WWTR1: variants seen among roughly 807,000 people sequenced by gnomAD.
WWTR1 encodes WW domain containing transcription regulator 1.
Under a neutral mutation model 40.1 loss-of-function variants are expected in WWTR1, and 13 were observed. That is an observed-to-expected ratio of 0.32 (90% CI 0.21 to 0.52). WWTR1 has a LOEUF of 0.52. Ranked by LOEUF, WWTR1 falls within the 20% of genes least tolerant of loss-of-function variation. The pLI is 0.97. For synonymous variants in WWTR1, 230 were observed against 210.1 expected (o/e 1.09, Z -0.82); for missense variants, 436 against 523.1 (o/e 0.83, Z 1.63).
intron 3 of WWTR1, among the ~76,000 whole-genome samples, chr3:149,545,106 C>G (rs546771736): frequency 2.2e-4 from 34 of 152,180 alleles, no homozygotes; most frequent in African/African-American, 7.9e-4. Flanking sequence ...ATGATTGATG[C>G]CAAAAAACCT....
At chr3:149,543,580 CA>C (rs755442408) in intron 3 of WWTR1, among the ~76,000 whole-genome samples, 26 of 31,228 alleles carry the variant, frequency 8.3e-4, no homozygotes, top group African/African-American at 2.0e-3. Flanking sequence ...GACTCTGTCT[CA>C]AAAAAAAAAA....
upstream of WWTR1, among the ~76,000 whole-genome samples, chr3:149,707,578 C>T (rs1715363554): frequency 6.6e-6 from 1 of 152,034 alleles, no homozygotes. Context: ...CTAGGTTTAA[C>T]AAAATTAAGC....
At chr3:149,571,881 G>A (rs1737648807) in intron 3 of WWTR1, among the ~76,000 whole-genome samples, 1 of 151,768 alleles carries the variant, frequency 6.6e-6, no homozygotes, top group South Asian at 2.1e-4. Context: ...TTTAGCCCTG[G>A]GGGAGAAGGA....
chr3:149,574,652 C>A (rs561971131), intron 2 of WWTR1, among the ~76,000 whole-genome samples: 2 of 152,234 alleles, frequency 1.3e-5, no homozygotes, highest in African/African-American at 4.8e-5. Context: ...CAGTCTGTCT[C>A]CTCATTTTTA....
chr3:149,571,104 G>A (rs935154873), intron 3 of WWTR1, among the ~76,000 whole-genome samples: 1 of 151,786 alleles, frequency 6.6e-6, no homozygotes, highest in African/African-American at 2.4e-5. Flanking sequence ...ACCTTAGTAT[G>A]ATTAAACATA....
At chr3:149,530,525 A>G (rs1735524468) in intron 4 of WWTR1, among the ~76,000 whole-genome samples, 1 of 151,904 alleles carries the variant, frequency 6.6e-6, no homozygotes, top group Non-Finnish European at 1.5e-5. Context: ...AAAATTAGAT[A>G]TAAAATAAAT....
At chr3:149,702,797 A>T (rs532644806) in intron 1 of WWTR1, 1 of 152,340 alleles carries the variant, frequency 6.6e-6, no homozygotes, top group South Asian at 2.1e-4. Flanking sequence ...ACTATTGCTT[A>T]CCAGAATGAC....
chr3:149,608,502 C>A (rs1378170894), intron 2 of WWTR1, among the ~76,000 whole-genome samples: 1 of 151,936 alleles, frequency 6.6e-6, no homozygotes, highest in Non-Finnish European at 1.5e-5. Flanking sequence ...TTTCCTGCCT[C>A]AGCCTCCCAA....
chr3:149,634,272 G>A (rs780131309), intron 2 of WWTR1, among the ~76,000 whole-genome samples: 1 of 152,152 alleles, frequency 6.6e-6, no homozygotes, highest in Non-Finnish European at 1.5e-5. Flanking sequence ...GAGCAAAGTG[G>A]GGATAAAAAT....
chr3:149,634,666 C>A (rs923763408), intron 2 of WWTR1, among the ~76,000 whole-genome samples: 3 of 152,174 alleles, frequency 2.0e-5, no homozygotes, highest in African/African-American at 7.2e-5. Context: ...AAGTGAAAGA[C>A]CCTGGATCTG....
At chr3:149,573,041 GC>G in intron 2 of WWTR1, 41 bp from the exon 3 acceptor site, 2 of 1,544,600 alleles carry the variant, frequency 1.3e-6, no homozygotes, top group South Asian at 2.4e-5. Context: ...TTAATTGTCA[GC>G]ATCATTATCA....
chr3:149,662,673 T>A (rs564597671), upstream of WWTR1, among the ~76,000 whole-genome samples: 1 of 152,202 alleles, frequency 6.6e-6, no homozygotes, highest in Non-Finnish European at 1.5e-5. Context: ...TCTTTTATGA[T>A]GTCATTACCC....
intron 2 of WWTR1, among the ~76,000 whole-genome samples, chr3:149,642,893 T>C (rs1712268285): frequency 6.6e-6 from 1 of 152,156 alleles, no homozygotes; most frequent in African/African-American, 2.4e-5. Flanking sequence ...AGAGAATGCA[T>C]CTGCAGAAAA....
chr3:149,607,534 T>C (rs1739544267), intron 2 of WWTR1, among the ~76,000 whole-genome samples: 1 of 152,196 alleles, frequency 6.6e-6, no homozygotes, highest in South Asian at 2.1e-4. Flanking sequence ...CAGGATGGTC[T>C]CGATCTCCTC....
intron 2 of WWTR1, among the ~76,000 whole-genome samples, chr3:149,622,502 G>GAAAAGAAAGAAAGAAAGAAAGAA (rs1553800284): frequency 4.3e-5 from 2 of 46,328 alleles, no homozygotes; most frequent in African/African-American, 1.6e-4. Flanking sequence ...AGGAAGGAAG[G>GAAAAGAAAGAAAGAAAGAAAGAA]AAGAAAGAAA....
In WWTR1 at chr3:149,694,122, G is replaced by A. The variant is rs112281332; in HGVS notation, c.-108+9002C>T. On this transcript the variant is annotated intron_variant, in intron 1 of 7. Coordinates refer to the WWTR1 transcript ENST00000465804. Reference sequence around the variant, plus strand: ...AACAAGGGATTAATAGGCTGGGCGCGGTGGCTCACGCCTATAATCCCAGCA... The same window carrying A: ...AACAAGGGATTAATAGGCTGGGCGCAGTGGCTCACGCCTATAATCCCAGCA... 6.5e-3 allele frequency among the ~76,000 whole-genome samples: 996 copies of A among 152,304 alleles called. 11 individuals carry two copies. The highest frequency in any genetic ancestry group is 0.023 in the African/African-American group (951 of 41,586).
At chr3:149,524,337 T>C (rs2107901203) in intron 6 of WWTR1, among the ~76,000 whole-genome samples, 1 of 151,836 alleles carries the variant, frequency 6.6e-6, no homozygotes, top group South Asian at 2.1e-4. Flanking sequence ...GTTTTTTTTT[T>C]TTTTTTTTGA....
chr3:149,589,185 T>A (rs1438623577), intron 2 of WWTR1, among the ~76,000 whole-genome samples: 2 of 152,136 alleles, frequency 1.3e-5, no homozygotes, highest in Non-Finnish European at 2.9e-5. Flanking sequence ...CCTGGGAGAC[T>A]CCCAGCTGCA....
intron 3 of WWTR1, among the ~76,000 whole-genome samples, chr3:149,569,810 G>C (rs1737533405): frequency 6.6e-6 from 1 of 152,074 alleles, no homozygotes. Context: ...TAAGAAGAAG[G>C]AAGAGTGGGA....
Sources: gnomAD v4.1 joint callset for allele counts (sites outside exome capture counted in the v4.1 genomes callset) on GRCh38, gnomAD v4.1.1 for gene constraint, MANE v1.5 for transcripts, NCBI Gene and HGNC (gene_info 2026-07-23, HGNC 2026-07-21) for gene names.